KPNA3: variants seen among roughly 807,000 people sequenced by gnomAD.
The protein encoded by KPNA3 is importin subunit alpha-4.
In KPNA3, 13 loss-of-function variants were observed where a neutral mutation model predicts 73.8. The observed-to-expected ratio is 0.18, with a 90% CI of 0.11 to 0.28. The LOEUF is 0.28. KPNA3 is among the 10% of genes least tolerant of loss of function. The pLI, the probability that KPNA3 is intolerant of heterozygous loss-of-function variation, is 1.00. For missense variants in KPNA3, 360 were observed against 618.1 expected, an observed-to-expected ratio of 0.58 and a Z score of 4.43; for synonymous variants, 186 against 206.9, an observed-to-expected ratio of 0.90 and a Z score of 0.87.
At chr13:49,788,359 G>C (rs1955002033) in intron 1 of KPNA3, among the ~76,000 whole-genome samples, 1 of 152,144 alleles carries the variant, frequency 6.6e-6, no homozygotes, top group Non-Finnish European at 1.5e-5. Context: ...TTTTCTATAA[G>C]TTATCTTTGA....
intron 1 of KPNA3, among the ~76,000 whole-genome samples, chr13:49,762,235 C>A (rs951877035): frequency 1.4e-5 from 2 of 147,536 alleles, no homozygotes. Flanking sequence ...CGCCCCGTCG[C>A]GGAGGGAGGA....
At chr13:49,785,631 G>A (rs956609886) in intron 1 of KPNA3, among the ~76,000 whole-genome samples, 7 of 152,072 alleles carry the variant, frequency 4.6e-5, no homozygotes, top group African/African-American at 1.4e-4. Context: ...TAAAAGAATC[G>A]TAGACAGAAT....
chr13:49,721,133 C>G (rs530774293), intron 9 of KPNA3, among the ~76,000 whole-genome samples: 1 of 151,626 alleles, frequency 6.6e-6, no homozygotes, highest in Non-Finnish European at 1.5e-5. Flanking sequence ...GCACGAGACT[C>G]GCTTGAACCC....
chr13:49,758,394 A>G lies in KPNA3; in HGVS notation c.70-11401T>C, dbSNP rs572494474. On this transcript the variant is annotated intron_variant, in intron 1 of 16. Coordinates refer to ENST00000261667, the MANE Select transcript of KPNA3 (RefSeq NM_002267.4). Reference sequence around the variant, plus strand: ...TCACACTATCCTGTGTAACTTTTCAACACAGCAATTTAACCCTGCATCTCC... The same window carrying G: ...TCACACTATCCTGTGTAACTTTTCAGCACAGCAATTTAACCCTGCATCTCC... Among the ~76,000 whole-genome samples the G allele has an allele frequency of 5.9e-5, 9 of 152,324 alleles. 1 individual carries two copies. In the East Asian group the frequency reaches 1.7e-3, roughly 29 times the overall value.
Position 49,701,413 on chromosome 13 carries a change from T to C in KPNA3, c.*387A>G. ...TTTAGTCTTCCAACTTGTATATGCA[T>C]CATACCAAAGTGTCTTGATCCACAG... is the stretch of plus-strand genomic sequence containing the variant. On this transcript the variant is annotated 3_prime_UTR_variant, in exon 17 of 17. Coordinates refer to ENST00000261667, the MANE Select transcript of KPNA3 (RefSeq NM_002267.4). 1 of 459,028 alleles carries C rather than the reference T, an allele frequency of 2.2e-6. No homozygotes were observed. Among genetic ancestry groups the C allele is most frequent in the Non-Finnish European group, 4.5e-6 (1 of 220,896 alleles). The allele number at this position is 459,028 out of a possible 1,614,324, so 28.4% of individuals were successfully genotyped here.
intron 1 of KPNA3, among the ~76,000 whole-genome samples, chr13:49,792,180 C>A (rs1487285384): frequency 3.3e-5 from 5 of 152,026 alleles, no homozygotes; most frequent in Non-Finnish European, 7.4e-5. Context: ...CTCGCCGACA[C>A]CAGGCCGCGC....
chr13:49,723,974 C>T (rs1239321272), intron 7 of KPNA3, among the ~76,000 whole-genome samples: 3 of 152,134 alleles, frequency 2.0e-5, no homozygotes, highest in Admixed American at 6.6e-5. Flanking sequence ...GGCAGGCAAC[C>T]ATTAAATATC....
chr13:49,713,157 T>C (rs1453343038), intron 10 of KPNA3, among the ~76,000 whole-genome samples: 2 of 152,054 alleles, frequency 1.3e-5, no homozygotes, highest in Admixed American at 6.6e-5. Context: ...AGACGACCAG[T>C]AGAATTTAAT....
At chr13:49,760,210 G>T (rs540880018) in intron 1 of KPNA3, among the ~76,000 whole-genome samples, 1 of 152,086 alleles carries the variant, frequency 6.6e-6, no homozygotes, top group African/African-American at 2.4e-5. Flanking sequence ...AGGAGTTCAA[G>T]ACCAGCCTGG....
intron 10 of KPNA3, among the ~76,000 whole-genome samples, chr13:49,713,086 G>C (rs1954274347): frequency 1.3e-5 from 2 of 151,930 alleles, no homozygotes; most frequent in Non-Finnish European, 2.9e-5. Flanking sequence ...AAAATAAAGG[G>C]ATGAGCAAAA....
chr13:49,702,052 T>C (rs970598868), intron 16 of KPNA3, among the ~76,000 whole-genome samples, 154 bp from the exon 17 acceptor site: 2 of 152,186 alleles, frequency 1.3e-5, no homozygotes, highest in Non-Finnish European at 1.5e-5. Context: ...ATTAAGAAAT[T>C]TAACAATTTA....
At chr13:49,752,712 C>G (rs1035676968) in intron 1 of KPNA3, among the ~76,000 whole-genome samples, 2 of 151,936 alleles carry the variant, frequency 1.3e-5, no homozygotes, top group Non-Finnish European at 2.9e-5. Context: ...AAGAAAAAAA[C>G]TGTAATCAGA....
At chr13:49,770,571 T>C (rs9568323) in intron 1 of KPNA3, among the ~76,000 whole-genome samples, 5 of 152,064 alleles carry the variant, frequency 3.3e-5, no homozygotes, top group Non-Finnish European at 7.4e-5. Flanking sequence ...TTGTCACTTG[T>C]GCTTTTAAGG....
chr13:49,770,834 C>CAAA (rs759842886), intron 1 of KPNA3, among the ~76,000 whole-genome samples: 3 of 85,472 alleles, frequency 3.5e-5, no homozygotes, highest in African/African-American at 1.3e-4. Flanking sequence ...ACCCACCTAC[C>CAAA]AAAAAAAAAA....
chr13:49,779,989 A>C (rs1954928035), intron 1 of KPNA3, among the ~76,000 whole-genome samples: 2 of 150,746 alleles, frequency 1.3e-5, no homozygotes, highest in Admixed American at 6.6e-5. Context: ...CTTCCTACAG[A>C]CTCCCTCAGT....
At chr13:49,707,278 G>GA in intron 12 of KPNA3, among the ~76,000 whole-genome samples, 1 of 152,156 alleles carries the variant, frequency 6.6e-6, no homozygotes, top group Non-Finnish European at 1.5e-5. Context: ...TATCACATGT[G>GA]TATCTTCCTC....
Position 49,725,406 on chromosome 13 carries a change from A to C in KPNA3, c.469+10T>G, listed in dbSNP as rs200249744. On this transcript the variant is annotated intron_variant, in intron 7 of 16. Transcript: ENST00000261667. Reference sequence around the variant, plus strand: ...ACACAAAAAGTTCAGACAGTAAGGAATTTACTTACTAGACTGCACAACAGC... The same window carrying C: ...ACACAAAAAGTTCAGACAGTAAGGACTTTACTTACTAGACTGCACAACAGC... 1 of 1,562,212 alleles carries C rather than the reference A, an allele frequency of 6.4e-7. No homozygotes were observed.
At chr13:49,732,703 A>G (rs1410101674) in intron 4 of KPNA3, 44 bp downstream of exon 4, 3 of 1,587,738 alleles carry the variant, frequency 1.9e-6, no homozygotes, top group South Asian at 1.1e-5. Context: ...AAAAAAATCA[A>G]TTTCAAAATA....
intron 1 of KPNA3, among the ~76,000 whole-genome samples, chr13:49,768,010 A>C (rs1954822634): frequency 6.6e-6 from 1 of 152,100 alleles, no homozygotes; most frequent in Admixed American, 6.6e-5. Context: ...TTTGTATTTA[A>C]AATGCTGCTA....
Sources: gnomAD v4.1 joint callset for allele counts (sites outside exome capture counted in the v4.1 genomes callset) on GRCh38, gnomAD v4.1.1 for gene constraint, MANE v1.5 for transcripts, NCBI Gene and HGNC (gene_info 2026-07-23, HGNC 2026-07-21) for gene names.